Variants in LYST observed in about 807,000 individuals in gnomAD.
The protein encoded by LYST is lysosomal-trafficking regulator.
Under a neutral mutation model 413.6 loss-of-function variants are expected in LYST, and 192 were observed. That is an observed-to-expected ratio of 0.46 (90% CI 0.41 to 0.52). The LOEUF is 0.52. LYST is among the 20% of genes least tolerant of loss of function. The probability of loss-of-function intolerance (pLI) is 0.00; values close to 1 mark genes in which losing one functional copy is unlikely to be tolerated. For synonymous variants in LYST, 1,525 were observed against 1,567.3 expected (o/e 0.97, Z 0.64); for missense variants, 3,815 against 4,499.9 (o/e 0.85, Z 4.35).
upstream of LYST, among the ~76,000 whole-genome samples, chr1:235,870,449 C>G (rs762061731): frequency 1.9e-4 from 29 of 152,200 alleles, no homozygotes; most frequent in Non-Finnish European, 3.2e-4. Flanking sequence ...ATGTCACTTT[C>G]CTTTTGCTGT....
At chr1:235,751,667 T>C (rs961202653) in intron 27 of LYST, among the ~76,000 whole-genome samples, 4 of 152,186 alleles carry the variant, frequency 2.6e-5, no homozygotes, top group Non-Finnish European at 5.9e-5. Flanking sequence ...GCAATTATCA[T>C]ATTTTTTGTT....
chr1:235,757,530 A>G, intron 23 of LYST, 72 bp from the exon 24 acceptor site: 1 of 1,110,378 alleles, frequency 9.0e-7, no homozygotes. Context: ...AGGAACTGTG[A>G]CAAGTAGTAG....
intron 43 of LYST, among the ~76,000 whole-genome samples, chr1:235,711,321 A>G (rs1341739004): frequency 6.6e-6 from 1 of 152,304 alleles, no homozygotes; most frequent in East Asian, 1.9e-4. Context: ...GAGCAACACT[A>G]TGAAATAAGC....
At position 235,776,429 on chromosome 1, in the gene LYST, G is replaced by A. The variant is rs531023190; in HGVS notation, c.5460+634C>T. On this transcript the variant is annotated intron_variant, in intron 17 of 52. Coordinates refer to ENST00000389793, the MANE Select transcript of LYST (RefSeq NM_000081.4). ...AGGGATAAAACGAAGATGGCATTCC[G>A]AGGATGAAGGAAGATCAAAGCTGCT... 3.9e-5 allele frequency among the ~76,000 whole-genome samples: 6 copies of A among 152,256 alleles called. No individual in the cohort carries two copies. The South Asian group carries it at 8.3e-4, about 21-fold the overall frequency.
intron 3 of LYST, among the ~76,000 whole-genome samples, chr1:235,822,590 A>G (rs1037679592): frequency 3.9e-5 from 6 of 152,202 alleles, no homozygotes; most frequent in African/African-American, 1.2e-4. Flanking sequence ...GTCATGATGG[A>G]ATAATATACT....
intron 18 of LYST, among the ~76,000 whole-genome samples, 185 bp from the exon 19 acceptor site, chr1:235,774,176 A>C (rs1236107659): frequency 6.6e-6 from 1 of 152,202 alleles, no homozygotes; most frequent in East Asian, 1.9e-4. Flanking sequence ...GAAAATCCCA[A>C]ACTTACAAAT....
intron 4 of LYST, 96 bp downstream of exon 4, chr1:235,812,875 G>A: frequency 1.3e-6 from 1 of 770,208 alleles, no homozygotes; most frequent in Non-Finnish European, 2.3e-6. Flanking sequence ...AACATATAGT[G>A]TTCTGAATCT....
intron 36 of LYST, 110 bp from the exon 37 acceptor site, chr1:235,729,767 T>G (rs2103202176): frequency 1.3e-6 from 1 of 764,216 alleles, no homozygotes; most frequent in Non-Finnish European, 2.3e-6. Context: ...CTAGATAGAG[T>G]TCCAATAGCA....
intron 16 of LYST, among the ~76,000 whole-genome samples, chr1:235,780,227 G>A (rs1352580007): frequency 1.3e-5 from 2 of 151,802 alleles, no homozygotes; most frequent in African/African-American, 4.8e-5. Flanking sequence ...GCAACAAAGC[G>A]AGATTCCATC....
intron 50 of LYST, among the ~76,000 whole-genome samples, chr1:235,668,780 C>T (rs1359708138): frequency 1.3e-5 from 2 of 152,196 alleles, no homozygotes; most frequent in Non-Finnish European, 2.9e-5. Flanking sequence ...ATATGACACA[C>T]TAAAAGCTGC....
At position 235,697,158 on chromosome 1, in the gene LYST, G is replaced by GGA; in HGVS notation, c.10487_10488dup (p.Gln3497SerfsTer19). 2 of 1,614,172 alleles carry GGA rather than the reference G, an allele frequency of 1.2e-6. No individual in the cohort carries two copies. Among genetic ancestry groups the GGA allele is most frequent in the South Asian group, 2.2e-5 (2 of 91,084 alleles). ...CAGATTGCTCTGGTGGGCAGAGCCT[G>GGA]GAGAGAGCCAAATCTTTCTCCGTGG... On this transcript the variant is annotated frameshift_variant, in exon 46 of 53. Coordinates refer to ENST00000389793, the MANE Select transcript of LYST (RefSeq NM_000081.4). LOFTEE classifies it high-confidence loss of function.
intron 44 of LYST, among the ~76,000 whole-genome samples, chr1:235,705,277 G>A (rs1294063107): frequency 3.3e-5 from 5 of 151,940 alleles, no homozygotes; most frequent in African/African-American, 9.7e-5. Context: ...AATTCTTAAC[G>A]ATGGCATAAA....
At chr1:235,737,989 A>C (rs1664968187) in intron 31 of LYST, 2 of 1,440,022 alleles carry the variant, frequency 1.4e-6, no homozygotes, top group Admixed American at 5.2e-5. Flanking sequence ...TTCCAAGTCC[A>C]ATATACTCTC....
At chr1:235,861,723 C>G (rs979946581) in intron 1 of LYST, among the ~76,000 whole-genome samples, 1 of 152,138 alleles carries the variant, frequency 6.6e-6, no homozygotes, top group Non-Finnish European at 1.5e-5. Context: ...TCGAACCAGG[C>G]TCAAGCGATC....
At chr1:235,754,463 G>A (rs1666812352) in intron 25 of LYST, among the ~76,000 whole-genome samples, 1 of 151,872 alleles carries the variant, frequency 6.6e-6, no homozygotes, top group Non-Finnish European at 1.5e-5. Flanking sequence ...GACCTCAGGT[G>A]ATCCACCTGC....
Position 235,830,044 on chromosome 1 carries a change from G to A in LYST, c.192+182C>T, listed in dbSNP as rs538318944. 9 of 577,788 alleles carry A rather than the reference G, an allele frequency of 1.6e-5. 1 individual carries two copies. The highest frequency in any genetic ancestry group is 1.5e-4 in the Admixed American group (5 of 32,890). The allele number at this position is 577,788 out of a possible 1,614,324, so 35.8% of individuals were successfully genotyped here. On this transcript the variant is annotated intron_variant, in intron 3 of 52. Transcript: ENST00000389793. ...TTCATAATTCTAAGATATTTCAGAC[G>A]TTTTGAAAGTATTCAAATAAACAAT...
upstream of LYST, chr1:235,866,939 G>A (rs1296910628): frequency 1.3e-5 from 1 of 77,866 alleles, no homozygotes; most frequent in African/African-American, 5.1e-5. Flanking sequence ...CCCCACCCCC[G>A]CCCGCCCAGG....
intron 39 of LYST, 104 bp from the exon 40 acceptor site, chr1:235,721,009 T>G (rs1437934291): frequency 8.3e-6 from 10 of 1,202,644 alleles, no homozygotes; most frequent in African/African-American, 1.5e-5. Flanking sequence ...AAATCTCATG[T>G]CCTCCAAAAA....
intron 1 of LYST, among the ~76,000 whole-genome samples, chr1:235,857,814 G>A (rs1336485065): frequency 6.6e-6 from 1 of 151,154 alleles, no homozygotes; most frequent in East Asian, 1.9e-4. Flanking sequence ...CAAGCCAAGA[G>A]AGAAGAGAGG....
Sources: gnomAD v4.1 joint callset for allele counts (sites outside exome capture counted in the v4.1 genomes callset) on GRCh38, gnomAD v4.1.1 for gene constraint, MANE v1.5 for transcripts, NCBI Gene and HGNC (gene_info 2026-07-23, HGNC 2026-07-21) for gene names.